The following EXOC6B variants were observed in gnomAD, a reference collection of about 807,000 sequenced individuals.
EXOC6B encodes SEC15 homolog B.
Under a neutral mutation model 113.5 loss-of-function variants are expected in EXOC6B, and 54 were observed. The observed-to-expected ratio is 0.48, with a 90% CI of 0.38 to 0.60. EXOC6B has a LOEUF of 0.60. Ranked by LOEUF, EXOC6B falls within the 20% of genes least tolerant of loss-of-function variation. EXOC6B has a pLI of 0.00. For missense variants in EXOC6B, 797 were observed against 977.5 expected (o/e 0.82, Z 2.46); for synonymous variants, 357 against 339.0 (o/e 1.05, Z -0.58).
chr2:72,621,847 C>T (rs1671767436), intron 6 of EXOC6B, among the ~76,000 whole-genome samples: 1 of 151,992 alleles, frequency 6.6e-6, no homozygotes, highest in Non-Finnish European at 1.5e-5. Context: ...AAAGGAAGAG[C>T]TTGGCATCCT....
chr2:72,640,896 G>C (rs1048277168), intron 6 of EXOC6B, among the ~76,000 whole-genome samples: 4 of 152,260 alleles, frequency 2.6e-5, no homozygotes, highest in Non-Finnish European at 4.4e-5. Flanking sequence ...TAATGGCAAA[G>C]ATTTCAACTC....
chr2:72,364,141 A>G (rs984193205), intron 19 of EXOC6B, among the ~76,000 whole-genome samples: 4 of 152,070 alleles, frequency 2.6e-5, no homozygotes, highest in Admixed American at 1.3e-4. Flanking sequence ...GACTGCTTTT[A>G]TACGCCTCTG....
At chr2:72,674,420 A>G (rs529387974) in intron 6 of EXOC6B, among the ~76,000 whole-genome samples, 116 of 152,360 alleles carry the variant, frequency 7.6e-4, no homozygotes, top group African/African-American at 2.7e-3. Flanking sequence ...CTGAACATTC[A>G]GTGTTCTTCA....
At chr2:72,809,889 C>T (rs1456973712) in intron 1 of EXOC6B, among the ~76,000 whole-genome samples, 3 of 152,082 alleles carry the variant, frequency 2.0e-5, no homozygotes. Context: ...CACCATTAAC[C>T]AATGAGATTT....
intron 18 of EXOC6B, chr2:72,462,658 A>G (rs767575299): frequency 1.3e-5 from 2 of 152,102 alleles, no homozygotes; most frequent in African/African-American, 4.8e-5. Context: ...ATCTGCTGAC[A>G]TCTTAATATT....
chr2:72,651,970 T>A (rs978723854), intron 6 of EXOC6B, among the ~76,000 whole-genome samples: 1 of 152,198 alleles, frequency 6.6e-6, no homozygotes, highest in Non-Finnish European at 1.5e-5. Context: ...TCCAGTATAA[T>A]AATTTGGCCT....
At chr2:72,224,021 T>C (rs1681042188) in intron 20 of EXOC6B, among the ~76,000 whole-genome samples, 1 of 152,194 alleles carries the variant, frequency 6.6e-6, no homozygotes, top group Non-Finnish European at 1.5e-5. Flanking sequence ...CCTATTTTGG[T>C]TTATTTAAGC....
At chr2:72,823,150 TAAAAA>T (rs778304758) in intron 1 of EXOC6B, among the ~76,000 whole-genome samples, 4 of 73,850 alleles carry the variant, frequency 5.4e-5, no homozygotes, top group African/African-American at 1.9e-4. Context: ...TGTAATCTGC[TAAAAA>T]AAAAAAAAAA....
chr2:72,480,827 T>C, intron 16 of EXOC6B, 77 bp from the exon 17 acceptor site: 2 of 1,410,362 alleles, frequency 1.4e-6, no homozygotes, highest in Non-Finnish European at 1.9e-6. Context: ...AATCTGCCGG[T>C]ACAAAACAAA....
At chr2:72,342,745 G>A (rs1302245846) in intron 19 of EXOC6B, among the ~76,000 whole-genome samples, 1 of 152,064 alleles carries the variant, frequency 6.6e-6, no homozygotes, top group Non-Finnish European at 1.5e-5. Flanking sequence ...GGGCAATATA[G>A]AGAGATACTG....
At chr2:72,487,794 C>A (rs1003057933) in intron 16 of EXOC6B, among the ~76,000 whole-genome samples, 3 of 152,212 alleles carry the variant, frequency 2.0e-5, no homozygotes, top group Non-Finnish European at 4.4e-5. Flanking sequence ...AAAGTGCCCT[C>A]TCATCAAATC....
At chr2:72,475,927 A>G (rs1698711526) in intron 17 of EXOC6B, among the ~76,000 whole-genome samples, 1 of 152,180 alleles carries the variant, frequency 6.6e-6, no homozygotes. Context: ...GCCCCTGGTC[A>G]CTGGCACCTA....
At chr2:72,445,394 C>CCT (rs1266825193) in intron 18 of EXOC6B, among the ~76,000 whole-genome samples, 9 of 152,298 alleles carry the variant, frequency 5.9e-5, no homozygotes, top group South Asian at 2.1e-4. Flanking sequence ...TGCCCATTAA[C>CCT]CAGTTCCAAA....
chr2:72,784,463 T>C (rs1012306377), intron 1 of EXOC6B, among the ~76,000 whole-genome samples: 19 of 152,202 alleles, frequency 1.2e-4, no homozygotes, highest in Admixed American at 1.2e-3. Flanking sequence ...ACACAGCTGA[T>C]AATGACATAC....
In EXOC6B at chr2:72,733,098, A is replaced by G. The variant is rs1183627297; in HGVS notation, c.300T>C (p.Asn100=). Residue 100 remains asparagine (N), a synonymous_variant, in exon 3 of 22, where the codon AAT becomes AAC. Coordinates refer to ENST00000272427, the MANE Select transcript of EXOC6B (RefSeq NM_015189.3). ...QKLKNQVTDT[N]RKLQHEGKEL... is the part of the protein sequence containing the mutation. ...CCTTTCCCTCATGTTGTAGTTTTCT[A>G]TTAGTATCCGTCACTTGATTCTGTG... is the stretch of plus-strand genomic sequence containing the variant. 8 of 1,594,074 alleles carry G rather than the reference A, an allele frequency of 5.0e-6. No homozygotes were observed. Among genetic ancestry groups the G allele is most frequent in the Non-Finnish European group, 6.8e-6 (8 of 1,168,324 alleles).
At chr2:72,473,806 A>T (rs1175849112) in intron 17 of EXOC6B, among the ~76,000 whole-genome samples, 2 of 151,916 alleles carry the variant, frequency 1.3e-5, no homozygotes, top group East Asian at 1.9e-4. Flanking sequence ...CAGTAGTACT[A>T]TTTGAGTCCT....
At chr2:72,384,793 A>T (rs550397786) in intron 18 of EXOC6B, among the ~76,000 whole-genome samples, 1 of 152,246 alleles carries the variant, frequency 6.6e-6, no homozygotes, top group Admixed American at 6.5e-5. Context: ...ACTTGGAAAT[A>T]AATTTAGCTA....
chr2:72,752,621 G>C (rs375124279), intron 1 of EXOC6B, among the ~76,000 whole-genome samples: 1 of 142,214 alleles, frequency 7.0e-6, no homozygotes, highest in South Asian at 2.3e-4. Context: ...TCTCAGTTAA[G>C]ATCTTAAAAG....
intron 8 of EXOC6B, among the ~76,000 whole-genome samples, chr2:72,527,852 C>T (rs1701812977): frequency 6.6e-6 from 1 of 151,822 alleles, no homozygotes; most frequent in African/African-American, 2.4e-5. Context: ...ATGTCTTTTG[C>T]TCATTTTCCT....
Sources: gnomAD v4.1 joint callset for allele counts (sites outside exome capture counted in the v4.1 genomes callset) on GRCh38, gnomAD v4.1.1 for gene constraint, MANE v1.5 for transcripts, NCBI Gene and HGNC (gene_info 2026-07-23, HGNC 2026-07-21) for gene names.